Variants in DGKB observed in about 807,000 individuals in gnomAD.
DGKB encodes diacylglycerol kinase beta, also known as 90 kDa diacylglycerol kinase.
In DGKB, 67 loss-of-function variants were observed where a neutral mutation model predicts 114.3. That is an observed-to-expected ratio of 0.59 (90% CI 0.48 to 0.72). The LOEUF is 0.72. Among genes scored for constraint, DGKB ranks in the 30% least tolerant of loss-of-function variants. DGKB has a pLI of 0.00. For missense variants in DGKB, 907 were observed against 975.2 expected (o/e 0.93, Z 0.93); for synonymous variants, 398 against 323.1 (o/e 1.23, Z -2.49).
At chr7:14,908,105 G>C (rs1399521105), upstream of DGKB, among the ~76,000 whole-genome samples, 1 of 152,148 alleles carries the variant, frequency 6.6e-6, no homozygotes, top group African/African-American at 2.4e-5. Flanking sequence ...ATTTAGCAAT[G>C]GTCATCCACA....
At chr7:14,255,699 T>TA (rs1795866659) in intron 23 of DGKB, among the ~76,000 whole-genome samples, 3 of 152,220 alleles carry the variant, frequency 2.0e-5, no homozygotes, top group East Asian at 1.9e-4. Flanking sequence ...CCAGAGTTTG[T>TA]AAAAAAGCCC....
At chr7:14,554,167 C>A (rs1167962374) in intron 20 of DGKB, among the ~76,000 whole-genome samples, 1 of 152,034 alleles carries the variant, frequency 6.6e-6, no homozygotes, top group Non-Finnish European at 1.5e-5. Context: ...CCACCACACC[C>A]GGCCTTCCTT....
At chr7:14,864,649 A>G (rs574120851) in intron 1 of DGKB, among the ~76,000 whole-genome samples, 27 of 152,306 alleles carry the variant, frequency 1.8e-4, no homozygotes, top group African/African-American at 6.5e-4. Flanking sequence ...AGGATATCAG[A>G]GCAGAATCCT....
chr7:14,789,755 T>C (rs1450825119), intron 2 of DGKB, among the ~76,000 whole-genome samples: 2 of 152,206 alleles, frequency 1.3e-5, no homozygotes, highest in Non-Finnish European at 2.9e-5. Flanking sequence ...TATGGTCTCA[T>C]ACAGGCTTTT....
intron 21 of DGKB, among the ~76,000 whole-genome samples, chr7:14,366,901 G>T (rs951283149): frequency 5.3e-5 from 8 of 152,060 alleles, no homozygotes; most frequent in Non-Finnish European, 1.0e-4. Context: ...AAAATACGAA[G>T]AAACCTATAA....
At chr7:14,258,484 G>T (rs965320587) in intron 23 of DGKB, among the ~76,000 whole-genome samples, 6 of 152,156 alleles carry the variant, frequency 3.9e-5, no homozygotes, top group Admixed American at 6.5e-5. Context: ...AAATTAGGGG[G>T]AAATGCAACA....
chr7:14,196,664 A>G (rs1785058918), intron 23 of DGKB, among the ~76,000 whole-genome samples: 1 of 152,162 alleles, frequency 6.6e-6, no homozygotes, highest in Non-Finnish European at 1.5e-5. Context: ...AAAGTAGCAG[A>G]GAAATCTATT....
At chr7:14,350,775 C>T (rs564650847) in intron 21 of DGKB, among the ~76,000 whole-genome samples, 1 of 151,682 alleles carries the variant, frequency 6.6e-6, no homozygotes, top group African/African-American at 2.4e-5. Flanking sequence ...GGATAACATG[C>T]TCAACAGAGG....
At chr7:14,780,907 A>G (rs1256860757) in intron 2 of DGKB, among the ~76,000 whole-genome samples, 2 of 152,142 alleles carry the variant, frequency 1.3e-5, no homozygotes, top group African/African-American at 2.4e-5. Context: ...AGCTCTAACA[A>G]TAATACATAG....
At chr7:14,499,852 CAAATGTGG>C (rs147130742) in intron 20 of DGKB, among the ~76,000 whole-genome samples, 30,178 of 151,444 alleles carry the variant, frequency 0.2, 4,343 homozygotes, top group East Asian at 0.53. Flanking sequence ...AAATATTTTC[CAAATGTGG>C]AAACAAAAAA....
intron 15 of DGKB, among the ~76,000 whole-genome samples, chr7:14,617,863 T>C (rs984897882): frequency 2.6e-5 from 4 of 151,712 alleles, no homozygotes; most frequent in Non-Finnish European, 4.4e-5. Context: ...TAATGGGGCC[T>C]AAACTAGCCA....
chr7:14,598,376 T>C (rs1156537455), intron 17 of DGKB, among the ~76,000 whole-genome samples: 1 of 152,240 alleles, frequency 6.6e-6, no homozygotes, highest in Non-Finnish European at 1.5e-5. Context: ...AGTCATTTGA[T>C]CTAAACGAAA....
chr7:14,832,661 T>C (rs1846585684), intron 2 of DGKB, among the ~76,000 whole-genome samples: 1 of 152,114 alleles, frequency 6.6e-6, no homozygotes, highest in Non-Finnish European at 1.5e-5. Flanking sequence ...TTCAATCACT[T>C]ATTCTCTTCT....
chr7:14,702,116 A>T (rs543559849), intron 6 of DGKB, among the ~76,000 whole-genome samples: 15 of 152,186 alleles, frequency 9.9e-5, no homozygotes, highest in Non-Finnish European at 1.9e-4. Flanking sequence ...TTAGAAATCA[A>T]CTATAATTTG....
intron 13 of DGKB, among the ~76,000 whole-genome samples, chr7:14,634,646 A>AG (rs1322604472): frequency 6.6e-6 from 1 of 151,604 alleles, no homozygotes; most frequent in Non-Finnish European, 1.5e-5. Context: ...TAAGAGACAG[A>AG]GAAAAAAAAC....
chr7:14,171,943 A>G (rs915611141), intron 25 of DGKB, among the ~76,000 whole-genome samples: 3 of 152,206 alleles, frequency 2.0e-5, no homozygotes, highest in South Asian at 4.1e-4. Flanking sequence ...AAGGAGCTGG[A>G]CATATAACTG....
chr7:14,510,797 T>C (rs1237309533), intron 20 of DGKB, among the ~76,000 whole-genome samples: 1 of 152,212 alleles, frequency 6.6e-6, no homozygotes, highest in Non-Finnish European at 1.5e-5. Flanking sequence ...CCTTGATCCA[T>C]GGCTTGCAGA....
intron 25 of DGKB, among the ~76,000 whole-genome samples, chr7:14,174,619 C>T (rs1266526092): frequency 1.3e-5 from 2 of 152,098 alleles, no homozygotes; most frequent in East Asian, 3.9e-4. Context: ...CCGCTACCAA[C>T]CACTACTGTC....
chr7:14,652,333 A>T (rs1033558736), intron 13 of DGKB, among the ~76,000 whole-genome samples: 1 of 152,196 alleles, frequency 6.6e-6, no homozygotes, highest in African/African-American at 2.4e-5. Flanking sequence ...CAGAGCCCTC[A>T]GAAATAACGC....
Sources: allele counts gnomAD v4.1 joint callset (sites outside exome capture counted in the v4.1 genomes callset), GRCh38; gene constraint gnomAD v4.1.1; transcripts MANE v1.5; gene names NCBI Gene and HGNC (gene_info 2026-07-23, HGNC 2026-07-21).